The following KAT6B variants were observed in gnomAD, a reference collection of about 807,000 sequenced individuals.
KAT6B encodes the protein histone acetyltransferase KAT6B.
In KAT6B, 10 loss-of-function variants were observed where a neutral mutation model predicts 187.5. The observed-to-expected ratio is 0.05, with a 90% CI of 0.03 to 0.09. The LOEUF (loss-of-function observed/expected upper bound fraction) is 0.09, where lower values mean the gene tolerates loss of function less well. KAT6B is among the 10% of genes least tolerant of loss of function. The pLI, the probability that KAT6B is intolerant of heterozygous loss-of-function variation, is 1.00. For missense variants in KAT6B, 1,952 were observed against 2,558.9 expected (o/e 0.76, Z 5.12); for synonymous variants, 861 against 926.8 (o/e 0.93, Z 1.29).
At chr10:74,924,445 A>G (rs1399895580) in intron 3 of KAT6B, among the ~76,000 whole-genome samples, 2 of 152,240 alleles carry the variant, frequency 1.3e-5, no homozygotes, top group African/African-American at 4.8e-5. Context: ...AGGCAGTCCT[A>G]TAAACATCAA....
intron 3 of KAT6B, among the ~76,000 whole-genome samples, chr10:74,924,027 A>G (rs736086): frequency 0.25 from 38,136 of 151,992 alleles, 8,727 homozygotes; most frequent in African/African-American, 0.61. Flanking sequence ...GAATTTGTTG[A>G]TGAACTTGAT....
intron 13 of KAT6B, among the ~76,000 whole-genome samples, 165 bp from the exon 14 acceptor site, chr10:75,020,417 G>A (rs1027544910): frequency 2.0e-5 from 3 of 152,214 alleles, no homozygotes; most frequent in African/African-American, 7.2e-5. Flanking sequence ...AAACTTCACG[G>A]AGATCAAATC....
chr10:74,969,343 A>G (rs1428316138), intron 4 of KAT6B, among the ~76,000 whole-genome samples: 1 of 152,230 alleles, frequency 6.6e-6, no homozygotes, highest in African/African-American at 2.4e-5. Context: ...GAAGACGGCA[A>G]GTACAGGTGC....
intron 13 of KAT6B, among the ~76,000 whole-genome samples, chr10:75,007,476 C>T (rs1025222921): frequency 6.6e-6 from 1 of 151,710 alleles, no homozygotes; most frequent in Non-Finnish European, 1.5e-5. Context: ...TTTTAATAGG[C>T]AAGACTGTTC....
At chr10:75,014,877 A>C (rs1406066143) in intron 13 of KAT6B, among the ~76,000 whole-genome samples, 3 of 152,182 alleles carry the variant, frequency 2.0e-5, no homozygotes, top group Non-Finnish European at 4.4e-5. Flanking sequence ...TCTTGCATCC[A>C]AGGAGCTGAG....
At chr10:74,955,247 C>G (rs1032024495) in intron 3 of KAT6B, among the ~76,000 whole-genome samples, 2 of 152,046 alleles carry the variant, frequency 1.3e-5, no homozygotes, top group Non-Finnish European at 2.9e-5. Context: ...ACAGACAAAA[C>G]CATCCTTTTT....
intron 13 of KAT6B, among the ~76,000 whole-genome samples, chr10:75,015,948 G>A (rs1015689058): frequency 3.9e-5 from 6 of 152,212 alleles, no homozygotes; most frequent in South Asian, 2.1e-4. Context: ...TGCCCCTGTC[G>A]GGGGAGATCC....
chr10:74,914,176 ACT>A (rs1317470255), intron 3 of KAT6B, among the ~76,000 whole-genome samples: 2 of 150,702 alleles, frequency 1.3e-5, no homozygotes, highest in African/African-American at 4.9e-5. Context: ...ACAGAGCGAG[ACT>A]CTGTCTCCCA....
intron 3 of KAT6B, among the ~76,000 whole-genome samples, chr10:74,949,888 C>A (rs1045278107): frequency 8.5e-5 from 13 of 152,124 alleles, no homozygotes; most frequent in Admixed American, 7.9e-4. Flanking sequence ...CTTACTGTCA[C>A]TTAAAATATG....
chr10:75,029,230 C>G lies in KAT6B; in HGVS notation c.4406C>G (p.Ser1469Trp). ...GACCTTAATGTGCAGCCTGGTCACTCGAACCCAGAGGTCTTAATGGACTGT... is the reference window on the plus strand; with the variant it reads ...GACCTTAATGTGCAGCCTGGTCACTGGAACCCAGAGGTCTTAATGGACTGT... ...FLDLNVQPGH[S>W]NPEVLMDCGV... The change falls in exon 18 of 18, where the codon TCG (serine) becomes TGG (tryptophan). Residue 1469 changes from serine to tryptophan, a missense_variant. Physicochemically the swap from Ser to Trp is radical, Grantham distance 177. Coordinates refer to ENST00000287239, the MANE Select transcript of KAT6B (RefSeq NM_012330.4). The surrounding 1 kb of genome is among the most constrained non-coding windows in gnomAD (Gnocchi z 6.2). The G allele has an allele frequency of 1.2e-6, 2 of 1,614,130 alleles. No homozygotes were observed. Among genetic ancestry groups the G allele is most frequent in the Non-Finnish European group, 1.7e-6 (2 of 1,180,020 alleles).
chr10:74,915,029 A>T (rs1369105442), intron 3 of KAT6B, among the ~76,000 whole-genome samples: 1 of 152,136 alleles, frequency 6.6e-6, no homozygotes, highest in Non-Finnish European at 1.5e-5. Context: ...GAGCTCAGGG[A>T]TTCAAGGTTG....
intron 3 of KAT6B, among the ~76,000 whole-genome samples, chr10:74,892,633 G>A (rs2132655224): frequency 1.3e-5 from 2 of 152,268 alleles, no homozygotes; most frequent in African/African-American, 4.8e-5. Context: ...CTTGCCTGGG[G>A]GAGGTGGGGG....
chr10:74,957,789 A>G (rs1434476883), intron 3 of KAT6B, among the ~76,000 whole-genome samples: 3 of 152,242 alleles, frequency 2.0e-5, no homozygotes, highest in Non-Finnish European at 4.4e-5. Flanking sequence ...TGCTATTTAA[A>G]GGAACAAAAG....
At chr10:74,929,571 CA>C (rs1260016893) in intron 3 of KAT6B, among the ~76,000 whole-genome samples, 1 of 151,350 alleles carries the variant, frequency 6.6e-6, no homozygotes. Flanking sequence ...ATGGTCATGT[CA>C]AAAAAAACCA....
At chr10:75,021,044 A>T in intron 14 of KAT6B, 82 bp from the exon 15 acceptor site, 1 of 1,325,358 alleles carries the variant, frequency 7.5e-7, no homozygotes, top group Non-Finnish European at 1.1e-6. Flanking sequence ...AGATAACATT[A>T]GTGCTAGCAT....
At chr10:74,846,315 C>T (rs1350790874) in intron 3 of KAT6B, among the ~76,000 whole-genome samples, 1 of 152,120 alleles carries the variant, frequency 6.6e-6, no homozygotes, top group African/African-American at 2.4e-5. Context: ...AAATTTTCTT[C>T]TTAATAACAT....
intron 3 of KAT6B, 134 bp from the exon 4 acceptor site, chr10:74,959,836 T>TA: frequency 1.5e-6 from 1 of 680,104 alleles, no homozygotes; most frequent in Non-Finnish European, 2.6e-6. Context: ...TTTATTTAAA[T>TA]ACGTTATTTA....
At chr10:74,955,415 T>C (rs959907888) in intron 3 of KAT6B, among the ~76,000 whole-genome samples, 1 of 129,952 alleles carries the variant, frequency 7.7e-6, no homozygotes, top group African/African-American at 2.9e-5. Flanking sequence ...TTTGGAAAAG[T>C]TGTAAAGATG....
At chr10:74,863,283 T>C (rs946019631) in intron 3 of KAT6B, among the ~76,000 whole-genome samples, 1 of 152,226 alleles carries the variant, frequency 6.6e-6, no homozygotes, top group African/African-American at 2.4e-5. Flanking sequence ...CCTTTCTAAA[T>C]TTAAAATCTG....
Sources: gnomAD v4.1 joint callset for allele counts (sites outside exome capture counted in the v4.1 genomes callset) on GRCh38, gnomAD v4.1.1 for gene constraint, Gnocchi (gnomAD v3.1) non-coding constraint, MANE v1.5 for transcripts, NCBI Gene and HGNC (gene_info 2026-07-23, HGNC 2026-07-21) for gene names.